THSD4: variants seen among roughly 807,000 people sequenced by gnomAD.
THSD4 encodes the protein thrombospondin type 1 domain containing 4.
Under a neutral mutation model 119.0 loss-of-function variants are expected in THSD4, and 69 were observed. The ratio of observed to expected loss-of-function variants is 0.58; its 90% CI spans 0.48 to 0.71. The LOEUF is 0.71. THSD4 is among the 30% of genes least tolerant of loss of function. The pLI is 0.00. For missense variants in THSD4, 1,393 were observed against 1,391.1 expected, an observed-to-expected ratio of 1.00 and a Z score of -0.02; for synonymous variants, 524 against 540.4, an observed-to-expected ratio of 0.97 and a Z score of 0.42.
intron 3 of THSD4, among the ~76,000 whole-genome samples, chr15:71,160,739 A>G (rs1327342497): frequency 6.6e-6 from 1 of 150,794 alleles, no homozygotes; most frequent in Non-Finnish European, 1.5e-5. Context: ...TCACCTTTTC[A>G]AAACACAAAC....
intron 7 of THSD4, among the ~76,000 whole-genome samples, chr15:71,426,821 A>T (rs2046875903): frequency 6.6e-6 from 1 of 152,196 alleles, no homozygotes; most frequent in Non-Finnish European, 1.5e-5. Flanking sequence ...CTCCTAAAGG[A>T]GAGATTGAGT....
chr15:71,337,359 G>A (rs183997143), intron 6 of THSD4, among the ~76,000 whole-genome samples: 10 of 152,322 alleles, frequency 6.6e-5, no homozygotes, highest in Admixed American at 5.9e-4. Context: ...AGTGAAAAGT[G>A]GGCAGAGCCT....
intron 7 of THSD4, among the ~76,000 whole-genome samples, chr15:71,509,438 T>C (rs114588262): frequency 3.2e-4 from 49 of 152,344 alleles, no homozygotes; most frequent in African/African-American, 1.1e-3. Context: ...CTAGTATCCA[T>C]GAAACCATGA....
At chr15:71,191,907 T>C (rs150685108) in intron 3 of THSD4, among the ~76,000 whole-genome samples, 11 of 38,772 alleles carry the variant, frequency 2.8e-4, no homozygotes, top group African/African-American at 4.0e-4. Context: ...TCTTCTTCTT[T>C]TTTTTTTTTT....
At chr15:71,647,634 A>G (rs2050996879) in intron 7 of THSD4, among the ~76,000 whole-genome samples, 1 of 152,214 alleles carries the variant, frequency 6.6e-6, no homozygotes, top group Non-Finnish European at 1.5e-5. Flanking sequence ...GATGTTTTTC[A>G]TTGAGTTATA....
intron 6 of THSD4, among the ~76,000 whole-genome samples, chr15:71,265,151 G>A (rs1261901018): frequency 6.6e-6 from 1 of 152,044 alleles, no homozygotes; most frequent in African/African-American, 2.4e-5. Flanking sequence ...AACACTAACA[G>A]TGGTGGCTGG....
At chr15:71,319,174 A>G (rs1442590794) in intron 6 of THSD4, among the ~76,000 whole-genome samples, 1 of 152,166 alleles carries the variant, frequency 6.6e-6, no homozygotes, top group Non-Finnish European at 1.5e-5. Flanking sequence ...TGAGCACCTT[A>G]GGACACTCCT....
intron 12 of THSD4, among the ~76,000 whole-genome samples, chr15:71,745,650 T>G (rs1218356433): frequency 6.6e-6 from 1 of 152,138 alleles, no homozygotes; most frequent in African/African-American, 2.4e-5. Flanking sequence ...TTTCGGTTTT[T>G]TGGTTTTGTT....
At chr15:71,240,461 G>A (rs905606298) in intron 4 of THSD4, among the ~76,000 whole-genome samples, 1 of 151,958 alleles carries the variant, frequency 6.6e-6, no homozygotes, top group Non-Finnish European at 1.5e-5. Flanking sequence ...AGCAGCATTG[G>A]CATCTCCCAG....
intron 8 of THSD4, among the ~76,000 whole-genome samples, chr15:71,709,168 CA>C (rs1269094718): frequency 1.3e-5 from 2 of 152,116 alleles, no homozygotes; most frequent in African/African-American, 4.8e-5. Flanking sequence ...TAAGGACAGC[CA>C]GGGGGAGGAG....
intron 6 of THSD4, among the ~76,000 whole-genome samples, chr15:71,363,995 A>G (rs897127530): frequency 2.0e-5 from 3 of 152,212 alleles, no homozygotes; most frequent in African/African-American, 7.2e-5. Context: ...TCTGATAGAA[A>G]TAGTATTCAT....
intron 4 of THSD4, among the ~76,000 whole-genome samples, chr15:71,234,887 G>T (rs1348899679): frequency 6.6e-6 from 1 of 152,162 alleles, no homozygotes; most frequent in Non-Finnish European, 1.5e-5. Context: ...GTCCTGCTGT[G>T]GTTTCAGGTG....
intron 7 of THSD4, among the ~76,000 whole-genome samples, chr15:71,474,307 C>T (rs1254440103): frequency 6.6e-6 from 1 of 152,052 alleles, no homozygotes; most frequent in East Asian, 1.9e-4. Flanking sequence ...GCAACCTCTG[C>T]CGCCTGGGTT....
At chr15:71,100,776 T>C (rs1352554162) in intron 1 of THSD4, among the ~76,000 whole-genome samples, 1 of 152,120 alleles carries the variant, frequency 6.6e-6, no homozygotes, top group South Asian at 2.1e-4. Flanking sequence ...GCCCAGGAGT[T>C]TGAGACCAGC....
chr15:71,425,459 A>T (rs1835489518), intron 7 of THSD4, among the ~76,000 whole-genome samples: 1 of 152,168 alleles, frequency 6.6e-6, no homozygotes, highest in South Asian at 2.1e-4. Context: ...ACAAATCAGG[A>T]TGAACCTCTC....
intron 14 of THSD4, among the ~76,000 whole-genome samples, chr15:71,750,065 A>G (rs1369912582): frequency 6.6e-6 from 1 of 152,150 alleles, no homozygotes; most frequent in African/African-American, 2.4e-5. Context: ...AGGGTCTCTG[A>G]GGCCACTGGT....
At chr15:71,295,952 C>T (rs1487418110) in intron 6 of THSD4, among the ~76,000 whole-genome samples, 2 of 152,182 alleles carry the variant, frequency 1.3e-5, no homozygotes, top group Non-Finnish European at 2.9e-5. Flanking sequence ...CTTAATATAA[C>T]ATACTTGAGG....
intron 13 of THSD4, among the ~76,000 whole-genome samples, chr15:71,747,523 A>G (rs2053363032): frequency 6.6e-6 from 1 of 152,246 alleles, no homozygotes; most frequent in South Asian, 2.1e-4. Context: ...CATGTTCCAA[A>G]GTCTGTTACA....
chr15:71,311,950 C>T (rs571248422), intron 6 of THSD4, among the ~76,000 whole-genome samples: 48 of 152,260 alleles, frequency 3.2e-4, no homozygotes, highest in African/African-American at 1.1e-3. Flanking sequence ...GCTTTCCCTC[C>T]TGCCAACCCC....
Sources: allele counts gnomAD v4.1 joint callset (sites outside exome capture counted in the v4.1 genomes callset), GRCh38; gene constraint gnomAD v4.1.1; transcripts MANE v1.5; gene names NCBI Gene and HGNC (gene_info 2026-07-23, HGNC 2026-07-21).